Variants in DNAH17 observed in about 807,000 individuals in gnomAD.
DNAH17 encodes the protein dynein axonemal heavy chain 17.
In DNAH17, 376 loss-of-function variants were observed where a neutral mutation model predicts 485.6. The observed-to-expected ratio is 0.77, with a 90% CI of 0.71 to 0.84. The LOEUF (loss-of-function observed/expected upper bound fraction) is 0.84. Among genes scored for constraint, DNAH17 ranks in the 40% least tolerant of loss-of-function variants. The pLI, the probability that DNAH17 is intolerant of heterozygous loss-of-function variation, is 0.00. For synonymous variants in DNAH17, 3,031 were observed against 2,405.9 expected (o/e 1.26, Z -7.60); for missense variants, 6,370 against 5,839.3 (o/e 1.09, Z -2.96).
chr17:78,478,902 A>G (rs2089227281), intron 51 of DNAH17, 123 bp downstream of exon 51: 1 of 750,770 alleles, frequency 1.3e-6, no homozygotes, highest in Admixed American at 2.8e-5. Flanking sequence ...TATCATCATT[A>G]TCATTACCAC....
At chr17:78,501,083 C>T (rs1454529162) in intron 35 of DNAH17, 101 bp downstream of exon 35, 15 of 1,376,296 alleles carry the variant, frequency 1.1e-5, no homozygotes, top group African/African-American at 1.4e-5. Context: ...ATGCCCAGTC[C>T]TTCCAGCCTC....
In DNAH17 at chr17:78,502,663, G is replaced by A. The variant is rs777159052; in HGVS notation, c.5118C>T (p.Thr1706=). The A allele has an allele frequency of 6.8e-6, 11 of 1,612,600 alleles. No homozygotes were observed. In the Middle Eastern group the frequency reaches 4.9e-4, roughly 72 times the overall value. ...GCCTGGCAAATGCCAGGCCCACCTC[G>A]GTCGTCCACCAGATCTGGGTGCAAG... The part of the protein sequence containing the change: ...ALTCTQIWWT[T]EVGLAFARLE... The change falls in exon 33 of 81, where the codon ACC becomes ACT. Residue 1706 remains threonine, a synonymous_variant. Coordinates refer to ENST00000389840, the MANE Select transcript of DNAH17 (RefSeq NM_173628.4).
chr17:78,560,668 T>A, intron 13 of DNAH17, 72 bp downstream of exon 13: 1 of 1,446,578 alleles, frequency 6.9e-7, no homozygotes, highest in Non-Finnish European at 9.3e-7. Context: ...AAATCCGTGC[T>A]GAGGGAACCT....
Position 78,552,719 on chromosome 17 carries a change from C to T in DNAH17, c.2265G>A (p.Thr755=), listed in dbSNP as rs1036826573. 18 of 1,613,680 alleles carry T rather than the reference C, an allele frequency of 1.1e-5. No individual in the cohort carries two copies. The highest frequency in any genetic ancestry group is 5.3e-5 in the African/African-American group (4 of 74,914). Residue 755 remains threonine (T), a synonymous_variant, in exon 15 of 81, where the codon ACG becomes ACA. Transcript: ENST00000389840. The part of the protein sequence containing the change: ...AIDVKLLSAE[T]TLFWNGEGVF... Reference sequence around the variant, plus strand: ...TACCTTCGCCATTCCAGAATAATGTCGTTTCAGCGCTCAATAACTTGACAT... The same window carrying T: ...TACCTTCGCCATTCCAGAATAATGTTGTTTCAGCGCTCAATAACTTGACAT...
chr17:78,448,406 A>G (rs1437182737), intron 69 of DNAH17, among the ~76,000 whole-genome samples: 2 of 152,170 alleles, frequency 1.3e-5, no homozygotes, highest in East Asian at 3.8e-4. Context: ...ACATGCCTGT[A>G]GTCCCAGCTA....
rs114646890 is a variant in DNAH17 at position 78,458,958 on chromosome 17, C to T, written c.9861+43G>A. On this transcript the variant is annotated intron_variant, in intron 61 of 80. Transcript: ENST00000389840. The stretch of plus-strand genomic sequence containing the variant: ...GGTATTGACTGGCAGCGCGAGCAAG[C>T]GGCTCTGGTGTTTCGCAGGGACGGG... 1,549 of 1,598,180 alleles carry T rather than the reference C, an allele frequency of 9.7e-4. 12 individuals are homozygous for T. In the African/African-American group the frequency reaches 0.018, roughly 19 times the overall value.
chr17:78,497,285 C>T (rs906108071), intron 37 of DNAH17, among the ~76,000 whole-genome samples: 2 of 152,204 alleles, frequency 1.3e-5, no homozygotes, highest in Admixed American at 1.3e-4. Context: ...TTGAGGGGGC[C>T]CAATACTCGC....
At chr17:78,570,763 C>A (rs959422383) in intron 6 of DNAH17, among the ~76,000 whole-genome samples, 185 bp downstream of exon 6, 4 of 143,170 alleles carry the variant, frequency 2.8e-5, no homozygotes, top group Non-Finnish European at 6.0e-5. Flanking sequence ...GAGGCAGAGG[C>A]AGGAGAATCC....
Position 78,532,510 on chromosome 17 carries a change from G to T in DNAH17, c.3086C>A (p.Pro1029Gln), listed in dbSNP as rs369140843. Residue 1029 changes from proline to glutamine, a missense_variant, in exon 20 of 81, where the codon CCG (proline) becomes CAG (glutamine). By Grantham distance (76) the Pro-to-Gln change is moderately conservative. Coordinates refer to ENST00000389840, the MANE Select transcript of DNAH17 (RefSeq NM_173628.4). ...TWTDDTIPKT[P>Q]PTLAQFQEQI... is the part of the protein sequence containing the mutation. ...CTCCTGGAACTGAGCCAGGGTGGGC[G>T]GTGTCTTGGGGATGGTGTCATCTGT... is the stretch of plus-strand genomic sequence containing the variant. 6.2e-7 allele frequency: 1 copy of T among 1,610,784 alleles called. No homozygotes were observed. The highest frequency in any genetic ancestry group is 8.5e-7 in the Non-Finnish European group (1 of 1,178,914).
In DNAH17 at chr17:78,526,696, G is replaced by A. The variant is rs552828573; in HGVS notation, c.3666C>T (p.Ala1222=). ...GGTTGGGGTCGCTGAAGGAGAACGG[G>A]GCCTCGCGCCTGAACCTCTCCCTGA... ...HEFRERFRRE[A]PFSFSDPNPY... The change falls in exon 24 of 81, where the codon GCC becomes GCT. Residue 1222 remains alanine (A), a synonymous_variant. Transcript: ENST00000389840. 1 of 1,610,958 alleles carries A rather than the reference G, an allele frequency of 6.2e-7. No individual in the cohort carries two copies. The highest frequency in any genetic ancestry group is 1.3e-5 in the African/African-American group (1 of 74,836).
intron 77 of DNAH17, among the ~76,000 whole-genome samples, chr17:78,427,919 T>G (rs1167056899): frequency 1.4e-5 from 2 of 142,798 alleles, no homozygotes; most frequent in Non-Finnish European, 3.0e-5. Flanking sequence ...TGAGCCGAGA[T>G]CGTGCCATTG....
At chr17:78,465,440 G>A (rs1598498174) in intron 56 of DNAH17, among the ~76,000 whole-genome samples, 2 of 148,462 alleles carry the variant, frequency 1.3e-5, no homozygotes, top group Non-Finnish European at 1.5e-5. Flanking sequence ...AGTCTGGAAA[G>A]TGAGGAGCGT....
At position 78,485,225 on chromosome 17, in the gene DNAH17, G is replaced by T. The variant is rs144552969; in HGVS notation, c.7484-192C>A. The T allele has an allele frequency of 5.2e-4, 373 of 715,844 alleles. 2 individuals are homozygous for T. The African/African-American group carries it at 6.4e-3, about 12-fold the overall frequency. The allele number at this position is 715,844 out of a possible 1,614,324, so 44.3% of individuals were successfully genotyped here. A position where few individuals can be genotyped will look rare whatever the true frequency, so the allele number is the denominator to read the frequency against. On this transcript the variant is annotated intron_variant, in intron 47 of 80. Coordinates refer to ENST00000389840, the MANE Select transcript of DNAH17 (RefSeq NM_173628.4). Reference sequence around the variant, plus strand: ...GTACAGCCCCAGGAATAAACAGAGCGATCAGAGGCGAGGGTGGCAGGAACC... The same window carrying T: ...GTACAGCCCCAGGAATAAACAGAGCTATCAGAGGCGAGGGTGGCAGGAACC...
At position 78,491,573 on chromosome 17, in the gene DNAH17, G is replaced by C. The variant is rs1244711923; in HGVS notation, c.6542-3C>G. ...TCGCATGATGGTGGAGAACAGGCCT[G>C]GGGGAGGCGCGTGGTATGACCCCGG... On this transcript the variant is annotated splice_polypyrimidine_tract_variant and splice_region_variant and intron_variant, in intron 42 of 80. Coordinates refer to ENST00000389840, the MANE Select transcript of DNAH17 (RefSeq NM_173628.4). The C allele has an allele frequency of 1.9e-6, 3 of 1,613,452 alleles. No individual in the cohort carries two copies. Among genetic ancestry groups the C allele is most frequent in the East Asian group, 2.2e-5 (1 of 44,882 alleles).
chr17:78,460,233 A>C lies in DNAH17; in HGVS notation c.9364T>G (p.Cys3122Gly). The C allele has an allele frequency of 6.2e-7, 1 of 1,604,268 alleles. No homozygotes were observed. The highest frequency in any genetic ancestry group is 2.2e-5 in the East Asian group (1 of 44,734). ...TCTGCTTTGGCCAGGTCTGTTTCAC[A>C]GGCCTTTTGCTTCTCAGTGACGTTC... The part of the protein sequence containing the change: ...NKNVTEKQKA[C>G]ETDLAKAEPA... Residue 3122 changes from cysteine (C) to glycine (G), a missense_variant, in exon 59 of 81, where the codon TGT becomes GGT. Cys to Gly is a radical substitution (Grantham distance 159). Coordinates refer to ENST00000389840, the MANE Select transcript of DNAH17 (RefSeq NM_173628.4).
At chr17:78,514,460 G>A (rs1209084096) in intron 26 of DNAH17, among the ~76,000 whole-genome samples, 11 of 139,224 alleles carry the variant, frequency 7.9e-5, no homozygotes, top group East Asian at 4.4e-4. Flanking sequence ...AGCCAAGATC[G>A]CGCCACTGCA....
rs1351700562 is a variant in DNAH17 at position 78,428,727 on chromosome 17, G to T, written c.12406-20C>A. On this transcript the variant is annotated intron_variant, in intron 76 of 80. Coordinates refer to ENST00000389840, the MANE Select transcript of DNAH17 (RefSeq NM_173628.4). ...GTAACCCTGAAAAAGAGGGCAGTTT[G>T]TAAGCAGAGGCAAAGCTGTGCAGGC... is the stretch of plus-strand genomic sequence containing the variant. The T allele has an allele frequency of 6.2e-7, 1 of 1,612,674 alleles. No individual in the cohort carries two copies. Among genetic ancestry groups the T allele is most frequent in the Non-Finnish European group, 8.5e-7 (1 of 1,178,918 alleles).
intron 42 of DNAH17, 98 bp from the exon 43 acceptor site, chr17:78,491,668 T>G: frequency 6.7e-7 from 1 of 1,483,684 alleles, no homozygotes. Context: ...GGAGGGAGCC[T>G]GTCCCCTACT....
At position 78,490,807 on chromosome 17, in the gene DNAH17, C is replaced by T. The variant is rs376365889; in HGVS notation, c.6710G>A (p.Arg2237His). The T allele has an allele frequency of 2.0e-4, 319 of 1,604,118 alleles. No individual in the cohort carries two copies. Among genetic ancestry groups the T allele is most frequent in the Admixed American group, 5.0e-4 (29 of 58,574 alleles). The change falls in exon 44 of 81, where the codon CGC becomes CAC. Residue 2237 changes from arginine (R) to histidine (H), a missense_variant. Physicochemically the swap from Arg to His is conservative, Grantham distance 29. Transcript: ENST00000389840. ...LASNERIPLN[R>H]TMRLVFEISH... ...GATTTCGAACACCAGCCTCATGGTGCGGTTCAGGGGGATCCGCTCGTTGCT... is the reference window on the plus strand; with the variant it reads ...GATTTCGAACACCAGCCTCATGGTGTGGTTCAGGGGGATCCGCTCGTTGCT...
Sources: gnomAD v4.1 joint callset for allele counts (sites outside exome capture counted in the v4.1 genomes callset) on GRCh38, gnomAD v4.1.1 for gene constraint, MANE v1.5 for transcripts, NCBI Gene and HGNC (gene_info 2026-07-23, HGNC 2026-07-21) for gene names.